Variants in B3GALT1 observed in about 807,000 individuals in gnomAD.
B3GALT1 encodes UDP-Gal:betaGlcNAc beta 1,3-galactosyltransferase, polypeptide 1.
A neutral mutation model predicts 23.2 loss-of-function variants in B3GALT1; 10 were observed. That is an observed-to-expected ratio of 0.43 (90% CI 0.27 to 0.73). The LOEUF is 0.73. Among genes scored for constraint, B3GALT1 ranks in the 30% least tolerant of loss-of-function variants. The pLI is 0.21. For missense variants in B3GALT1, 299 were observed against 405.4 expected (o/e 0.74, Z 2.25); for synonymous variants, 156 against 141.5 (o/e 1.10, Z -0.73).
intron 3 of B3GALT1, among the ~76,000 whole-genome samples, chr2:167,806,519 T>C (rs1267449832): frequency 6.6e-6 from 1 of 152,226 alleles, no homozygotes; most frequent in East Asian, 1.9e-4. Flanking sequence ...TGAGAGTTTT[T>C]AGCATGAAGG....
intron 2 of B3GALT1, among the ~76,000 whole-genome samples, chr2:167,579,345 T>A (rs1164071026): frequency 4.0e-5 from 6 of 151,288 alleles, no homozygotes; most frequent in Admixed American, 4.0e-4. Flanking sequence ...TAACCAGAAA[T>A]ACCTGGAGAA....
intron 3 of B3GALT1, among the ~76,000 whole-genome samples, chr2:167,759,459 T>C (rs1687867451): frequency 6.6e-6 from 1 of 152,208 alleles, no homozygotes; most frequent in Admixed American, 6.5e-5. Context: ...CATAAATCAC[T>C]TAGCACAGTG....
intron 4 of B3GALT1, among the ~76,000 whole-genome samples, chr2:167,845,431 C>T (rs543771163): frequency 2.0e-5 from 3 of 152,224 alleles, no homozygotes; most frequent in Non-Finnish European, 4.4e-5. Context: ...TCTGTGCAGA[C>T]AACACCCAGT....
At chr2:167,742,314 G>A (rs1471724071) in intron 3 of B3GALT1, among the ~76,000 whole-genome samples, 1 of 152,172 alleles carries the variant, frequency 6.6e-6, no homozygotes, top group Non-Finnish European at 1.5e-5. Flanking sequence ...CTGCAGTGTA[G>A]GGACAGGTAA....
chr2:167,816,115 G>A lies in B3GALT1; in HGVS notation c.-351-2557G>A, dbSNP rs188108851. ...TTTTTCCTCTTTTCTTGTACAATAC[G>A]TTCCCACTTTCTATATTATTCCTGT... On this transcript the variant is annotated intron_variant, in intron 3 of 4. Transcript: ENST00000392690. 2.3e-3 allele frequency among the ~76,000 whole-genome samples: 351 copies of A among 152,120 alleles called. 2 individuals are homozygous for A. The highest frequency in any genetic ancestry group is 8.2e-3 in the African/African-American group (341 of 41,492).
intron 4 of B3GALT1, among the ~76,000 whole-genome samples, chr2:167,835,362 G>A (rs1365148768): frequency 8.5e-5 from 13 of 152,168 alleles, no homozygotes; most frequent in African/African-American, 2.2e-4. Flanking sequence ...CTTAAAAAAC[G>A]GCGCACCAGG....
At chr2:167,438,144 C>T (rs1025961168) in intron 1 of B3GALT1, among the ~76,000 whole-genome samples, 4 of 152,166 alleles carry the variant, frequency 2.6e-5, no homozygotes, top group African/African-American at 9.7e-5. Context: ...AAAAGGAATT[C>T]TTAATTAAAG....
chr2:167,433,111 C>A (rs1033798995), intron 1 of B3GALT1, among the ~76,000 whole-genome samples: 1 of 152,174 alleles, frequency 6.6e-6, no homozygotes, highest in African/African-American at 2.4e-5. Context: ...TTTCCCAACT[C>A]CTGGAAACCA....
intron 2 of B3GALT1, among the ~76,000 whole-genome samples, chr2:167,552,118 A>T (rs1007377772): frequency 2.6e-5 from 4 of 152,182 alleles, no homozygotes; most frequent in Non-Finnish European, 5.9e-5. Flanking sequence ...AATTCTCAGT[A>T]TTGGAAGCAA....
At chr2:167,444,105 T>C (rs1176627594) in intron 1 of B3GALT1, among the ~76,000 whole-genome samples, 1 of 152,228 alleles carries the variant, frequency 6.6e-6, no homozygotes, top group Non-Finnish European at 1.5e-5. Flanking sequence ...CAAAGGCCTT[T>C]TCTGCATCTA....
intron 1 of B3GALT1, among the ~76,000 whole-genome samples, chr2:167,371,863 A>G (rs1482765417): frequency 6.6e-6 from 1 of 151,934 alleles, no homozygotes; most frequent in East Asian, 1.9e-4. Flanking sequence ...TAAAATTTTT[A>G]GAAAATTAGA....
intron 3 of B3GALT1, among the ~76,000 whole-genome samples, chr2:167,732,302 G>A (rs1415743147): frequency 6.6e-6 from 1 of 152,168 alleles, no homozygotes; most frequent in Non-Finnish European, 1.5e-5. Flanking sequence ...AAGACTTTCT[G>A]TCGAGTCTCC....
At chr2:167,491,556 T>C (rs912615527) in intron 2 of B3GALT1, among the ~76,000 whole-genome samples, 2 of 148,554 alleles carry the variant, frequency 1.3e-5, no homozygotes, top group Non-Finnish European at 1.5e-5. Context: ...GGCTTACGCC[T>C]GTAATCCCAG....
chr2:167,604,360 A>G (rs1684927115), intron 2 of B3GALT1, among the ~76,000 whole-genome samples: 1 of 152,210 alleles, frequency 6.6e-6, no homozygotes, highest in East Asian at 1.9e-4. Flanking sequence ...CAGGAGTTTG[A>G]TTACATATCA....
intron 3 of B3GALT1, chr2:167,713,808 A>G: frequency 6.3e-7 from 1 of 1,593,076 alleles, no homozygotes; most frequent in Non-Finnish European, 8.6e-7. Flanking sequence ...CTCTGTGGAT[A>G]GATGTTTCTC....
intron 1 of B3GALT1, among the ~76,000 whole-genome samples, chr2:167,446,894 G>T (rs1246749553): frequency 6.6e-6 from 1 of 152,144 alleles, no homozygotes; most frequent in African/African-American, 2.4e-5. Context: ...ACTTTGTTGT[G>T]TTGCTGGTGA....
chr2:167,312,494 A>G (rs572261928), intron 1 of B3GALT1, among the ~76,000 whole-genome samples: 4 of 152,044 alleles, frequency 2.6e-5, no homozygotes, highest in Admixed American at 6.6e-5. Flanking sequence ...AATGCTCAGT[A>G]CAAAGAACAC....
At chr2:167,796,664 T>C (rs1198075458) in intron 3 of B3GALT1, among the ~76,000 whole-genome samples, 1 of 152,102 alleles carries the variant, frequency 6.6e-6, no homozygotes, top group South Asian at 2.1e-4. Context: ...GGCACAAGAA[T>C]TGCTTGAACC....
intron 3 of B3GALT1, among the ~76,000 whole-genome samples, chr2:167,747,409 C>A (rs1454116455): frequency 2.2e-4 from 33 of 152,180 alleles, no homozygotes; most frequent in Non-Finnish European, 2.9e-5. Flanking sequence ...GTATTGGAAT[C>A]ATTCCAGCAG....
Sources: gnomAD v4.1 joint callset for allele counts (sites outside exome capture counted in the v4.1 genomes callset) on GRCh38, gnomAD v4.1.1 for gene constraint, MANE v1.5 for transcripts, NCBI Gene and HGNC (gene_info 2026-07-23, HGNC 2026-07-21) for gene names.